The following ANKRD30A variants were observed in gnomAD, a reference collection of about 807,000 sequenced individuals.
ANKRD30A encodes ankyrin repeat domain 30A.
In ANKRD30A, 170 loss-of-function variants were observed where a neutral mutation model predicts 166.3. That is an observed-to-expected ratio of 1.02 (90% CI 0.90 to 1.16). The LOEUF is 1.16. Among genes scored for constraint, ANKRD30A ranks in the 50% most tolerant of loss-of-function variants. ANKRD30A has a pLI of 0.00. For missense variants in ANKRD30A, 1,630 were observed against 1,518.0 expected, an observed-to-expected ratio of 1.07 and a Z score of -1.23; for synonymous variants, 564 against 508.9, an observed-to-expected ratio of 1.11 and a Z score of -1.46.
intron 34 of ANKRD30A, among the ~76,000 whole-genome samples, chr10:37,223,291 C>G (rs1022400480): frequency 6.6e-6 from 1 of 150,456 alleles, no homozygotes; most frequent in Non-Finnish European, 1.5e-5. Flanking sequence ...TACACTTTAT[C>G]TAAAGAAAAA....
Position 37,144,997 on chromosome 10 carries a change from C to T in ANKRD30A, c.1396C>T (p.Gln466Ter). 6.3e-7 allele frequency: 1 copy of T among 1,595,042 alleles called. No individual in the cohort carries two copies. The highest frequency in any genetic ancestry group is 8.5e-7 in the Non-Finnish European group (1 of 1,169,654). ...TATCTGTGATTAACTTTTTATAGAT[C>T]AGAGGTTCCCATCAGAATCCAAACA... Reference protein sequence around the residue: ...ESSTKASANDQRFPSESKQEE... With the variant: ...ESSTKASAND The change falls in exon 8 of 36, where the codon CAG becomes TAG. Residue 466 changes from glutamine (Q) to a stop codon, truncating the protein, a stop_gained and splice_region_variant. Transcript: ENST00000361713. LOFTEE classifies it high-confidence loss of function.
At chr10:37,162,595 G>T in intron 15 of ANKRD30A, 54 bp from the exon 16 acceptor site, 1 of 1,600,172 alleles carries the variant, frequency 6.2e-7, no homozygotes. Flanking sequence ...ATTCATTTGT[G>T]GTTGGCTTGT....
chr10:37,249,426 A>C, the ANKRD30A span, among the ~76,000 whole-genome samples: 1 of 152,052 alleles, frequency 6.6e-6, no homozygotes, highest in Non-Finnish European at 1.5e-5. Flanking sequence ...TAGAGCTAAG[A>C]ATGCCTGGAA....
At chr10:37,213,556 C>CTTT (rs397965588) in intron 31 of ANKRD30A, among the ~76,000 whole-genome samples, 1 of 132,538 alleles carries the variant, frequency 7.5e-6, no homozygotes, top group East Asian at 2.3e-4. Context: ...TCTTCTTCTT[C>CTTT]TTTTTTTTTT....
intron 31 of ANKRD30A, among the ~76,000 whole-genome samples, chr10:37,203,803 A>G (rs370797376): frequency 1.3e-5 from 2 of 152,224 alleles, no homozygotes; most frequent in East Asian, 3.9e-4. Flanking sequence ...CAGGATACAT[A>G]ATAAATGTGC....
intron 19 of ANKRD30A, 96 bp downstream of exon 19, chr10:37,166,791 T>G (rs1456447206): frequency 6.5e-7 from 1 of 1,545,012 alleles, no homozygotes; most frequent in East Asian, 2.3e-5. Flanking sequence ...AATTACCTCC[T>G]AAATGCAAAC....
chr10:37,149,048 G>A (rs557751421), intron 9 of ANKRD30A, among the ~76,000 whole-genome samples: 2 of 151,962 alleles, frequency 1.3e-5, no homozygotes, highest in African/African-American at 4.8e-5. Context: ...TCCATGATGA[G>A]TTTTATACAT....
chr10:37,129,911 C>A lies in ANKRD30A; in HGVS notation c.240C>A (p.Ala80=). 1 of 1,559,486 alleles carries A rather than the reference C, an allele frequency of 6.4e-7. No individual in the cohort carries two copies. The highest frequency in any genetic ancestry group is 1.2e-5 in the South Asian group (1 of 82,528). Residue 80 remains alanine, a synonymous_variant, in exon 2 of 36, where the codon GCC becomes GCA. Coordinates refer to ENST00000361713, the MANE Select transcript of ANKRD30A (RefSeq NM_052997.3). The part of the protein sequence containing the change: ...DAQKRTALHW[A]CVNGHEEVVT... ...CTCGTAGGACTGCTCTACACTGGGC[C>A]TGTGTCAATGGCCATGAGGAAGTAG...
At chr10:37,197,861 A>C (rs1400980614) in intron 29 of ANKRD30A, among the ~76,000 whole-genome samples, 1 of 151,828 alleles carries the variant, frequency 6.6e-6, no homozygotes, top group Non-Finnish European at 1.5e-5. Flanking sequence ...CTGATATAAC[A>C]CTCGTGTTTT....
At chr10:37,234,890 G>C (rs1214364526), downstream of ANKRD30A, among the ~76,000 whole-genome samples, 1 of 152,022 alleles carries the variant, frequency 6.6e-6, no homozygotes, top group East Asian at 1.9e-4. Context: ...GTGCCACATG[G>C]TGGAACTTTG....
intron 8 of ANKRD30A, 137 bp from the exon 9 acceptor site, chr10:37,147,233 A>T (rs1041875653): frequency 3.8e-5 from 22 of 583,918 alleles, no homozygotes; most frequent in Non-Finnish European, 6.2e-5. Context: ...TCAAAATGTC[A>T]TGATTTTCAA....
chr10:37,154,457 A>G (rs1263889727), intron 13 of ANKRD30A, among the ~76,000 whole-genome samples: 4 of 152,208 alleles, frequency 2.6e-5, no homozygotes, highest in Admixed American at 2.0e-4. Flanking sequence ...GTGGAAGAAC[A>G]ATTGGATAGA....
At chr10:37,257,480 A>G in the ANKRD30A span, among the ~76,000 whole-genome samples, 1 of 151,964 alleles carries the variant, frequency 6.6e-6, no homozygotes, top group Admixed American at 6.5e-5. Flanking sequence ...AGTTCTTTTA[A>G]CTGTGATGTT....
rs1838131825 is a variant in ANKRD30A at position 37,153,641 on chromosome 10, A to G, written c.1777A>G (p.Lys593Glu). Reference protein sequence around the residue: ...PKATHQKEIDKINGKLEESPN... With the variant: ...PKATHQKEIDEINGKLEESPN... Reference sequence around the variant, plus strand: ...GGCTACACATCAAAAAGAAATAGATAAAATAAATGGAAAATTAGAAGGTAA... The same window carrying G: ...GGCTACACATCAAAAAGAAATAGATGAAATAAATGGAAAATTAGAAGGTAA... The change falls in exon 13 of 36, where the codon AAA becomes GAA. Residue 593 changes from lysine to glutamate, a missense_variant. Coordinates refer to ENST00000361713, the MANE Select transcript of ANKRD30A (RefSeq NM_052997.3). 4 of 1,611,674 alleles carry G rather than the reference A, an allele frequency of 2.5e-6. No individual in the cohort carries two copies. The highest frequency in any genetic ancestry group is 3.4e-6 in the Non-Finnish European group (4 of 1,179,480).
chr10:37,142,075 G>A lies in ANKRD30A; in HGVS notation c.1178G>A (p.Arg393Lys), dbSNP rs1463520627. The A allele has an allele frequency of 1.9e-6, 3 of 1,613,756 alleles. No individual in the cohort carries two copies. Among genetic ancestry groups the A allele is most frequent in the African/African-American group, 1.3e-5 (1 of 74,930 alleles). The change falls in exon 7 of 36, where the codon AGG becomes AAG. Residue 393 changes from arginine (R) to lysine (K), a missense_variant. This residue lies in a region of ANKRD30A where 904 missense variants were observed against 818.5 expected (regional missense o/e 1.10). Transcript: ENST00000361713. ...TGGGAGAAAAAAGAAGACACACCTA[G>A]GGAAATTATGAGTCCCGCAAAAGAA... Reference protein sequence around the residue: ...IAWEKKEDTPREIMSPAKETS... With the variant: ...IAWEKKEDTPKEIMSPAKETS...
At chr10:37,152,216 A>T (rs914295789) in intron 12 of ANKRD30A, 95 bp downstream of exon 12, 2 of 1,014,016 alleles carry the variant, frequency 2.0e-6, no homozygotes, top group African/African-American at 3.3e-5. Context: ...GCCTCTTCAT[A>T]TGTCACCCCG....
At chr10:37,143,590 G>T (rs974275493) in intron 7 of ANKRD30A, among the ~76,000 whole-genome samples, 1 of 151,846 alleles carries the variant, frequency 6.6e-6, no homozygotes, top group African/African-American at 2.4e-5. Flanking sequence ...GGAGGCAGAG[G>T]TTGCAGTGAG....
At chr10:37,199,073 C>G (rs1488613410) in intron 29 of ANKRD30A, among the ~76,000 whole-genome samples, 1 of 152,034 alleles carries the variant, frequency 6.6e-6, no homozygotes, top group Non-Finnish European at 1.5e-5. Context: ...CACAAGCTGA[C>G]TCTGAAGGCA....
At chr10:37,167,125 A>G (rs1253043276) in intron 19 of ANKRD30A, among the ~76,000 whole-genome samples, 1 of 151,776 alleles carries the variant, frequency 6.6e-6, no homozygotes, top group Non-Finnish European at 1.5e-5. Flanking sequence ...TGGATTTTCT[A>G]TGAAGGAAAA....
Sources: gnomAD v4.1 joint callset for allele counts (sites outside exome capture counted in the v4.1 genomes callset) on GRCh38, gnomAD v4.1.1 for gene constraint, gnomAD v4.1.1 regional missense constraint, MANE v1.5 for transcripts, NCBI Gene and HGNC (gene_info 2026-07-23, HGNC 2026-07-21) for gene names.